FBN2: variants seen among roughly 807,000 people sequenced by gnomAD.
FBN2 encodes fibrillin-2.
Under a neutral mutation model 355.6 loss-of-function variants are expected in FBN2, and 105 were observed. The ratio of observed to expected loss-of-function variants is 0.30; its 90% CI spans 0.25 to 0.35. The LOEUF (loss-of-function observed/expected upper bound fraction) is 0.35. FBN2 is among the 10% of genes least tolerant of loss of function. The pLI is 1.00. For synonymous variants in FBN2, 1,350 were observed against 1,301.2 expected (o/e 1.04, Z -0.81); for missense variants, 3,280 against 3,758.7 (o/e 0.87, Z 3.33).
intron 50 of FBN2, 128 bp from the exon 51 acceptor site, chr5:128,290,075 ACT>A (rs1314751080): frequency 5.8e-6 from 4 of 688,238 alleles, no homozygotes; most frequent in South Asian, 3.3e-5. Context: ...CTATAACAAG[ACT>A]CTTTTATTTT....
intron 8 of FBN2, among the ~76,000 whole-genome samples, chr5:128,405,048 G>A (rs1027510190): frequency 1.3e-5 from 2 of 152,124 alleles, no homozygotes; most frequent in Admixed American, 1.3e-4. Flanking sequence ...GTGGGTGCCT[G>A]TAATCCCAGT....
intron 54 of FBN2, among the ~76,000 whole-genome samples, 188 bp downstream of exon 54, chr5:128,287,120 G>C (rs769339079): frequency 6.6e-6 from 1 of 152,050 alleles, no homozygotes; most frequent in African/African-American, 2.4e-5. Context: ...ATCTTATCTC[G>C]GACTTGATTT....
chr5:128,493,451 G>A (rs1755564831), intron 5 of FBN2, among the ~76,000 whole-genome samples: 1 of 151,992 alleles, frequency 6.6e-6, no homozygotes, highest in African/African-American at 2.4e-5. Flanking sequence ...TCAGACACTG[G>A]GTAAGCACTT....
chr5:128,310,390 ATATATATATATATTTTTTTTTT>A (rs1304560295), intron 39 of FBN2, among the ~76,000 whole-genome samples: 197 of 30,008 alleles, frequency 6.6e-3, no homozygotes, highest in African/African-American at 7.9e-3. Context: ...ATATATATAT[ATATATATATATATTTTTTTTTT>A]TTTTTTTTTA....
chr5:128,284,604 G>A (rs1749085956), intron 55 of FBN2, among the ~76,000 whole-genome samples: 1 of 152,128 alleles, frequency 6.6e-6, no homozygotes, highest in Non-Finnish European at 1.5e-5. Flanking sequence ...TTCAATTCAT[G>A]TTTGTTGTAT....
intron 45 of FBN2, 120 bp downstream of exon 45, chr5:128,304,837 A>G: frequency 1.5e-6 from 2 of 1,331,412 alleles, no homozygotes; most frequent in South Asian, 1.2e-5. Flanking sequence ...GACCTAGTTA[A>G]TTTTTTGCAA....
At chr5:128,407,704 T>G (rs749616113) in intron 8 of FBN2, among the ~76,000 whole-genome samples, 1 of 152,190 alleles carries the variant, frequency 6.6e-6, no homozygotes, top group Non-Finnish European at 1.5e-5. Context: ...TCAAATGAAT[T>G]CAGGCCACAG....
chr5:128,455,962 TTTGAGCTCC>T (rs1754372327), intron 6 of FBN2, among the ~76,000 whole-genome samples: 1 of 126,026 alleles, frequency 7.9e-6, no homozygotes, highest in African/African-American at 3.3e-5. Flanking sequence ...CTCTAAGCCT[TTTGAGCTCC>T]TTGGGGGAGG....
intron 62 of FBN2, 138 bp from the exon 63 acceptor site, chr5:128,263,794 G>A: frequency 6.2e-6 from 4 of 642,056 alleles, no homozygotes; most frequent in Non-Finnish European, 1.1e-5. Context: ...TCTGACGACT[G>A]ATTTGCAAAG....
chr5:128,453,515 A>C (rs1291270962), intron 6 of FBN2, among the ~76,000 whole-genome samples: 9 of 152,210 alleles, frequency 5.9e-5, no homozygotes, highest in African/African-American at 2.2e-4. Flanking sequence ...TTAAATTTCC[A>C]TTAAAAATGT....
chr5:128,273,329 G>A (rs1238633046), intron 61 of FBN2, among the ~76,000 whole-genome samples: 1 of 152,156 alleles, frequency 6.6e-6, no homozygotes, highest in Non-Finnish European at 1.5e-5. Flanking sequence ...TTATTGCAGA[G>A]GAGACCAAGG....
chr5:128,461,489 T>C (rs920884704), intron 6 of FBN2, among the ~76,000 whole-genome samples: 1 of 152,178 alleles, frequency 6.6e-6, no homozygotes, highest in Non-Finnish European at 1.5e-5. Context: ...GACCCAGCAA[T>C]CCCATTAGTG....
chr5:128,361,831 C>T lies in FBN2; in HGVS notation c.2446G>A (p.Val816Ile). ...RNCIDIDECL[V>I]NRLLCDNGLC... The stretch of plus-strand genomic sequence containing the variant: ...CCGTTATCACAAAGCAGTCTGTTTA[C>T]TAAACATTCATCAATGTCTGAAAGC... Residue 816 changes from valine to isoleucine, a missense_variant, in exon 19 of 65, where the codon GTA (valine) becomes ATA (isoleucine). By Grantham distance (29) the Val-to-Ile change is conservative. Transcript: ENST00000262464. The T allele has an allele frequency of 6.2e-7, 1 of 1,614,076 alleles. No homozygotes were observed. The highest frequency in any genetic ancestry group is 8.5e-7 in the Non-Finnish European group (1 of 1,179,964).
chr5:128,299,519 T>C (rs1035316949), intron 48 of FBN2, among the ~76,000 whole-genome samples: 4 of 151,710 alleles, frequency 2.6e-5, no homozygotes, highest in African/African-American at 4.8e-5. Flanking sequence ...GGATATAATC[T>C]CCTGGTGCGC....
At chr5:128,336,620 C>G (rs32222) in intron 27 of FBN2, among the ~76,000 whole-genome samples, 73,580 of 151,998 alleles carry the variant, frequency 0.48, 18,474 homozygotes, top group East Asian at 0.8. Context: ...TTCCACAAGA[C>G]AGAGGCATGA....
At chr5:128,268,300 T>C (rs969925250) in intron 62 of FBN2, among the ~76,000 whole-genome samples, 2 of 152,108 alleles carry the variant, frequency 1.3e-5, no homozygotes, top group African/African-American at 4.8e-5. Flanking sequence ...CCTGGACACA[T>C]ACACCCTACC....
chr5:128,504,257 T>C (rs1160128384), intron 5 of FBN2, among the ~76,000 whole-genome samples: 2 of 152,100 alleles, frequency 1.3e-5, no homozygotes, highest in Non-Finnish European at 2.9e-5. Context: ...GGAAGGGAAA[T>C]GTGGGGTCGC....
chr5:128,536,309 G>A (rs143055524), intron 2 of FBN2, 93 bp downstream of exon 2: 2 of 937,566 alleles, frequency 2.1e-6, no homozygotes, highest in Admixed American at 1.9e-5. Flanking sequence ...GATTTTAAAC[G>A]CAACTATGCG....
intron 3 of FBN2, among the ~76,000 whole-genome samples, chr5:128,528,506 G>A (rs774677623): frequency 2.0e-5 from 3 of 152,182 alleles, no homozygotes; most frequent in Non-Finnish European, 2.9e-5. Flanking sequence ...CCACTCTGAG[G>A]TGACATTTAC....
Sources: allele counts gnomAD v4.1 joint callset (sites outside exome capture counted in the v4.1 genomes callset), GRCh38; gene constraint gnomAD v4.1.1; transcripts MANE v1.5; gene names NCBI Gene and HGNC (gene_info 2026-07-23, HGNC 2026-07-21).